Variants in ITGAE observed in about 807,000 individuals in gnomAD.
ITGAE encodes the protein integrin alpha-E.
A neutral mutation model predicts 136.5 loss-of-function variants in ITGAE; 99 were observed. The observed-to-expected ratio is 0.73, with a 90% CI of 0.62 to 0.86. ITGAE has a LOEUF of 0.86. Ranked by LOEUF, ITGAE falls within the 40% of genes least tolerant of loss-of-function variation. The pLI is 0.00. For missense variants in ITGAE, 1,447 were observed against 1,515.3 expected (o/e 0.95, Z 0.75); for synonymous variants, 613 against 591.8 (o/e 1.04, Z -0.52).
chr17:3,780,812 C>T (rs1036409003), intron 1 of ITGAE, among the ~76,000 whole-genome samples: 9 of 152,048 alleles, frequency 5.9e-5, no homozygotes, highest in Admixed American at 5.9e-4. Flanking sequence ...TCCATCCTCC[C>T]GCCTCAGCCT....
rs577197640 is a variant in ITGAE, at chr17:3,784,804, C to A, written c.35-7144G>T. Among the ~76,000 whole-genome samples, 9 of 152,298 alleles carry A rather than the reference C, an allele frequency of 5.9e-5. No homozygotes were observed. In the East Asian group the frequency reaches 1.3e-3, roughly 23 times the overall value. ...GAATTGAAATAACTCAGAATATGTT[C>A]TCTGACTATACTAGAATCTAAACCA... is the stretch of plus-strand genomic sequence containing the variant. On this transcript the variant is annotated intron_variant, in intron 1 of 30. Transcript: ENST00000263087.
intron 20 of ITGAE, 50 bp downstream of exon 20, chr17:3,739,755 G>C: frequency 6.6e-7 from 1 of 1,507,756 alleles, no homozygotes; most frequent in South Asian, 1.1e-5. Context: ...GCCCAGGCAA[G>C]CGTTCGGGAG....
intron 2 of ITGAE, among the ~76,000 whole-genome samples, chr17:3,775,894 C>A (rs551108181): frequency 6.6e-6 from 1 of 152,062 alleles, no homozygotes; most frequent in African/African-American, 2.4e-5. Context: ...AGGTGGTGAT[C>A]GCAATTCACA....
chr17:3,772,076 C>A (rs2054189499), intron 2 of ITGAE, among the ~76,000 whole-genome samples: 1 of 152,186 alleles, frequency 6.6e-6, no homozygotes, highest in African/African-American at 2.4e-5. Flanking sequence ...TCTCAGTTTC[C>A]TGACCTTACT....
chr17:3,789,542 C>T (rs759909350), intron 1 of ITGAE, among the ~76,000 whole-genome samples: 19 of 147,298 alleles, frequency 1.3e-4, no homozygotes, highest in Non-Finnish European at 2.7e-4. Context: ...GCTCTGTCAC[C>T]CAGGCTGGAG....
intron 2 of ITGAE, 58 bp downstream of exon 2, chr17:3,777,482 C>T: frequency 6.5e-7 from 1 of 1,549,958 alleles, no homozygotes; most frequent in African/African-American, 1.4e-5. Flanking sequence ...TGGGGCCCAT[C>T]TCAGATTGCC....
chr17:3,722,143 CACA>C (rs889014756), intron 28 of ITGAE, among the ~76,000 whole-genome samples: 10 of 150,130 alleles, frequency 6.7e-5, no homozygotes, highest in South Asian at 2.1e-4. Flanking sequence ...CGTGCCATTG[CACA>C]ACAAGAGCGA....
intron 12 of ITGAE, 32 bp downstream of exon 12, chr17:3,755,085 G>GCCCCGCCCTCATCAGGTGGC (rs1555522645): frequency 1.7e-5 from 27 of 1,564,654 alleles, no homozygotes; most frequent in African/African-American, 2.7e-5. Flanking sequence ...TCATCAGGTG[G>GCCCCGCCCTCATCAGGTGGC]CCCCGCCCTC....
rs1234173019 is a variant in ITGAE, at chr17:3,777,573, AGG to A, written c.120_121del (p.Leu41SerfsTer35). The stretch of plus-strand genomic sequence containing the variant: ...GTTGGTGCTGGGGTCTTGGTGCAGA[AGG>A]GAGCTGAGCACGAAAGGGGCACCTC... On this transcript the variant is annotated frameshift_variant, in exon 2 of 31. Coordinates refer to ENST00000263087, the MANE Select transcript of ITGAE (RefSeq NM_002208.5). LOFTEE classifies it high-confidence loss of function. 1 of 1,613,812 alleles carries A rather than the reference AGG, an allele frequency of 6.2e-7. No individual in the cohort carries two copies. Among genetic ancestry groups the A allele is most frequent in the South Asian group, 1.1e-5 (1 of 91,054 alleles).
chr17:3,760,640 A>C (rs1348235651), intron 6 of ITGAE, among the ~76,000 whole-genome samples: 1 of 151,770 alleles, frequency 6.6e-6, no homozygotes, highest in Non-Finnish European at 1.5e-5. Flanking sequence ...GGGTTTCACC[A>C]TGTTGGCCAG....
intron 1 of ITGAE, among the ~76,000 whole-genome samples, chr17:3,789,591 C>T (rs1360448211): frequency 6.6e-6 from 1 of 151,922 alleles, no homozygotes; most frequent in Admixed American, 6.6e-5. Flanking sequence ...ACCTCTGCCT[C>T]CCAGGTTCAA....
Position 3,728,137 on chromosome 17 carries a change from C to T in ITGAE, c.2944G>A (p.Gly982Arg), listed in dbSNP as rs150168867. 4.2e-5 allele frequency: 68 copies of T among 1,613,456 alleles called. No homozygotes were observed. The African/African-American group carries it at 7.2e-4, about 17-fold the overall frequency. The change falls in exon 25 of 31, where the codon GGG (glycine) becomes AGG (arginine). Residue 982 changes from glycine (G) to arginine (R), a missense_variant. Physicochemically the swap from Gly to Arg is moderately radical, Grantham distance 125. This residue lies in a region of ITGAE where 1,031 missense variants were observed against 1,011.4 expected (regional missense o/e 1.02). Coordinates refer to ENST00000263087, the MANE Select transcript of ITGAE (RefSeq NM_002208.5). ...PSIMYVNTGQ[G>R]LSHHKEFLFH... is the part of the protein sequence containing the mutation. ...AGGAATTCTTTGTGGTGAGAAAGCC[C>T]CTGGCCTGTGTTCACGTACATTATG...
intron 2 of ITGAE, among the ~76,000 whole-genome samples, chr17:3,773,499 A>G (rs1203973890): frequency 1.3e-5 from 2 of 151,298 alleles, no homozygotes; most frequent in Admixed American, 1.3e-4. Flanking sequence ...GAAAAAAAAA[A>G]GATATTACAA....
Position 3,747,918 on chromosome 17 carries a change from T to A in ITGAE, c.2155+4A>T, listed in dbSNP as rs1429650600. On this transcript the variant is annotated splice_donor_region_variant and intron_variant, in intron 17 of 30. Coordinates refer to ENST00000263087, the MANE Select transcript of ITGAE (RefSeq NM_002208.5). ...GGCAGGGGTCAGCTGGACCATTTTT[T>A]TACCTGACTCAGAGGCTGTGGTTAC... 3 of 1,572,946 alleles carry A rather than the reference T, an allele frequency of 1.9e-6. No homozygotes were observed. The Admixed American group carries it at 5.1e-5, about 27-fold the overall frequency.
chr17:3,746,196 T>A (rs1312420302), intron 17 of ITGAE, among the ~76,000 whole-genome samples: 1 of 151,990 alleles, frequency 6.6e-6, no homozygotes, highest in Non-Finnish European at 1.5e-5. Context: ...GAAGGAGGGC[T>A]CGGGAAGGGG....
chr17:3,745,142 G>T (rs1435308637), intron 18 of ITGAE, among the ~76,000 whole-genome samples: 2 of 152,046 alleles, frequency 1.3e-5, no homozygotes, highest in Non-Finnish European at 2.9e-5. Flanking sequence ...TTTCTAGATG[G>T]TCGTTTCTAT....
At chr17:3,740,764 G>A (rs1017858946) in intron 19 of ITGAE, among the ~76,000 whole-genome samples, 2 of 152,228 alleles carry the variant, frequency 1.3e-5, no homozygotes, top group Non-Finnish European at 2.9e-5. Context: ...GCCCCATGGA[G>A]GTTGAAAAGC....
intron 10 of ITGAE, among the ~76,000 whole-genome samples, chr17:3,756,502 A>G (rs919939646): frequency 6.8e-5 from 10 of 147,146 alleles, no homozygotes; most frequent in African/African-American, 2.3e-4. Flanking sequence ...CCTGGGTTCG[A>G]GTGATTCTTC....
At chr17:3,789,783 G>A (rs969384777) in intron 1 of ITGAE, among the ~76,000 whole-genome samples, 1 of 152,108 alleles carries the variant, frequency 6.6e-6, no homozygotes, top group Non-Finnish European at 1.5e-5. Context: ...TTTCAGGCGT[G>A]AGCCACCTCA....
Sources: gnomAD v4.1 joint callset for allele counts (sites outside exome capture counted in the v4.1 genomes callset) on GRCh38, gnomAD v4.1.1 for gene constraint, gnomAD v4.1.1 regional missense constraint, MANE v1.5 for transcripts, NCBI Gene and HGNC (gene_info 2026-07-23, HGNC 2026-07-21) for gene names.